The following ARHGAP15 variants were observed in gnomAD, a reference collection of about 807,000 sequenced individuals.
ARHGAP15 encodes the protein rho GTPase-activating protein 15.
Under a neutral mutation model 63.7 loss-of-function variants are expected in ARHGAP15, and 51 were observed. The ratio of observed to expected loss-of-function variants is 0.80; its 90% CI spans 0.64 to 1.01. The LOEUF (loss-of-function observed/expected upper bound fraction) is 1.01, where lower values mean the gene tolerates loss of function less well. ARHGAP15 is among the 50% of genes least tolerant of loss of function. ARHGAP15 has a pLI of 0.00. For missense variants in ARHGAP15, 560 were observed against 564.6 expected (o/e 0.99, Z 0.08); for synonymous variants, 191 against 193.8 (o/e 0.99, Z 0.12).
intron 11 of ARHGAP15, among the ~76,000 whole-genome samples, chr2:143,585,916 T>C (rs1697091142): frequency 6.6e-6 from 1 of 152,182 alleles, no homozygotes. Context: ...TTGCTGTAAT[T>C]TTGTGTTTAT....
In ARHGAP15 at chr2:143,435,701, T is replaced by C; in HGVS notation, c.573+2T>C. Reference sequence around the variant, plus strand: ...ATCAAAAATGCAATTGACAGATTGGTATGTATTTGTTTTGGCTGTTACCTT... The same window carrying C: ...ATCAAAAATGCAATTGACAGATTGGCATGTATTTGTTTTGGCTGTTACCTT... On this transcript the variant is annotated splice_donor_variant, in intron 7 of 13. Transcript: ENST00000295095. LOFTEE classifies it high-confidence loss of function. The C allele has an allele frequency of 6.2e-7, 1 of 1,603,098 alleles. No individual in the cohort carries two copies. The highest frequency in any genetic ancestry group is 8.5e-7 in the Non-Finnish European group (1 of 1,176,802).
chr2:143,413,936 T>TGC (rs1440717146), intron 6 of ARHGAP15, among the ~76,000 whole-genome samples: 1 of 81,270 alleles, frequency 1.2e-5, no homozygotes, highest in Non-Finnish European at 2.5e-5. Context: ...GTTGTGTGTG[T>TGC]GTGTGTGTGT....
intron 8 of ARHGAP15, among the ~76,000 whole-genome samples, chr2:143,443,446 C>A (rs1689988952): frequency 6.7e-6 from 1 of 150,116 alleles, no homozygotes; most frequent in African/African-American, 2.4e-5. Context: ...TTTTTTTTCC[C>A]CAAAATAACT....
At chr2:143,644,997 G>T (rs139131336) in intron 12 of ARHGAP15, among the ~76,000 whole-genome samples, 1 of 152,010 alleles carries the variant, frequency 6.6e-6, no homozygotes, top group Non-Finnish European at 1.5e-5. Flanking sequence ...ACACCACTTC[G>T]TACAGTGAGC....
At position 143,502,933 on chromosome 2, in the gene ARHGAP15, T is replaced by C. The variant is rs148867920; in HGVS notation, c.826+15438T>C. Among the ~76,000 whole-genome samples, 12 of 152,292 alleles carry C rather than the reference T, an allele frequency of 7.9e-5. No individual in the cohort carries two copies. In the East Asian group the frequency reaches 2.3e-3, roughly 29 times the overall value. On this transcript the variant is annotated intron_variant, in intron 9 of 13. Transcript: ENST00000295095. ...GATGCAACTCTCTGAGAAGCTGCCATGAATGTGTATGTTGAGCTTCAGTTT... is the reference window on the plus strand; with the variant it reads ...GATGCAACTCTCTGAGAAGCTGCCACGAATGTGTATGTTGAGCTTCAGTTT...
chr2:143,432,702 T>C (rs1303221254), intron 6 of ARHGAP15, among the ~76,000 whole-genome samples: 1 of 152,048 alleles, frequency 6.6e-6, no homozygotes, highest in Non-Finnish European at 1.5e-5. Flanking sequence ...TTATTTAGTA[T>C]GAAAAAGTTC....
intron 13 of ARHGAP15, among the ~76,000 whole-genome samples, chr2:143,721,038 G>A (rs1685032420): frequency 1.6e-5 from 2 of 126,574 alleles, no homozygotes; most frequent in South Asian, 5.3e-4. Flanking sequence ...CTCCAGCCTG[G>A]GCGACAGAGC....
At chr2:143,407,465 T>C (rs1056431113) in intron 6 of ARHGAP15, among the ~76,000 whole-genome samples, 1 of 151,898 alleles carries the variant, frequency 6.6e-6, no homozygotes, top group Non-Finnish European at 1.5e-5. Context: ...TTTAGAAATA[T>C]CATTCACTGA....
chr2:143,620,809 A>G (rs906884352), intron 11 of ARHGAP15, among the ~76,000 whole-genome samples: 1 of 152,250 alleles, frequency 6.6e-6, no homozygotes, highest in African/African-American at 2.4e-5. Flanking sequence ...TCCCTGGTAC[A>G]GTGTAAGCTC....
At chr2:143,301,652 A>C (rs957859984) in intron 6 of ARHGAP15, among the ~76,000 whole-genome samples, 1 of 151,934 alleles carries the variant, frequency 6.6e-6, no homozygotes, top group Non-Finnish European at 1.5e-5. Context: ...GGTTGCAAAG[A>C]GTTTAATATT....
At chr2:143,324,955 A>G (rs1451591089) in intron 6 of ARHGAP15, among the ~76,000 whole-genome samples, 3 of 152,200 alleles carry the variant, frequency 2.0e-5, no homozygotes, top group Non-Finnish European at 4.4e-5. Context: ...ATGAATATTC[A>G]AAATTAGATT....
intron 6 of ARHGAP15, among the ~76,000 whole-genome samples, chr2:143,362,415 G>T (rs1167802611): frequency 2.0e-5 from 3 of 152,172 alleles, no homozygotes; most frequent in African/African-American, 7.2e-5. Flanking sequence ...TGTTTCTTCT[G>T]CCTCTTTGGG....
chr2:143,531,617 G>A (rs1169774707), intron 10 of ARHGAP15, among the ~76,000 whole-genome samples: 3 of 152,146 alleles, frequency 2.0e-5, no homozygotes, highest in East Asian at 1.9e-4. Context: ...AGAGTAAAAG[G>A]CCTAACCTGC....
At chr2:143,369,824 C>T (rs1328298729) in intron 6 of ARHGAP15, among the ~76,000 whole-genome samples, 1 of 152,056 alleles carries the variant, frequency 6.6e-6, no homozygotes, top group Non-Finnish European at 1.5e-5. Context: ...TTCTTTTCCT[C>T]CTACTTTTTC....
At chr2:143,688,807 G>GTGTT (rs1683464304) in intron 12 of ARHGAP15, among the ~76,000 whole-genome samples, 1 of 152,140 alleles carries the variant, frequency 6.6e-6, no homozygotes, top group Non-Finnish European at 1.5e-5. Context: ...AGTGAGAAAA[G>GTGTT]TGTTAGGAAA....
intron 11 of ARHGAP15, among the ~76,000 whole-genome samples, chr2:143,594,537 T>C (rs2105177113): frequency 6.6e-6 from 1 of 152,310 alleles, no homozygotes; most frequent in Middle Eastern, 3.4e-3. Flanking sequence ...ATGAATGTAA[T>C]ATGACGATGT....
intron 9 of ARHGAP15, among the ~76,000 whole-genome samples, chr2:143,516,111 A>G (rs188133966): frequency 5.3e-4 from 81 of 152,284 alleles, no homozygotes; most frequent in African/African-American, 1.9e-3. Flanking sequence ...TTCCCCAGTT[A>G]TAGCAGTTTT....
chr2:143,201,313 G>T (rs1692108040), intron 2 of ARHGAP15, among the ~76,000 whole-genome samples: 1 of 151,714 alleles, frequency 6.6e-6, no homozygotes, highest in Non-Finnish European at 1.5e-5. Flanking sequence ...TGTAGAGTTG[G>T]AGTCTCACTA....
chr2:143,210,223 G>A (rs985167113), intron 3 of ARHGAP15, among the ~76,000 whole-genome samples: 3 of 152,126 alleles, frequency 2.0e-5, no homozygotes, highest in African/African-American at 4.8e-5. Context: ...CATGAGGGAG[G>A]GAGAGGTGAG....
Sources: gnomAD v4.1 joint callset for allele counts (sites outside exome capture counted in the v4.1 genomes callset) on GRCh38, gnomAD v4.1.1 for gene constraint, MANE v1.5 for transcripts, NCBI Gene and HGNC (gene_info 2026-07-23, HGNC 2026-07-21) for gene names.